Variants in ANO4 observed in about 807,000 individuals in gnomAD.
ANO4 encodes the protein anoctamin-4.
Under a neutral mutation model 141.9 loss-of-function variants are expected in ANO4, and 69 were observed. The ratio of observed to expected loss-of-function variants is 0.49; its 90% CI spans 0.40 to 0.59. The LOEUF (loss-of-function observed/expected upper bound fraction) is 0.59. Among genes scored for constraint, ANO4 ranks in the 20% least tolerant of loss-of-function variants. ANO4 has a pLI of 0.00. For missense variants in ANO4, 894 were observed against 1,162.2 expected, an observed-to-expected ratio of 0.77 and a Z score of 3.36; for synonymous variants, 350 against 394.3, an observed-to-expected ratio of 0.89 and a Z score of 1.33.
intron 14 of ANO4, among the ~76,000 whole-genome samples, chr12:101,049,723 C>T (rs2047784950): frequency 6.6e-6 from 1 of 152,110 alleles, no homozygotes; most frequent in African/African-American, 2.4e-5. Flanking sequence ...GGAGCTTGTT[C>T]TTGATATATT....
At chr12:100,834,120 A>G (rs2036774472) in intron 1 of ANO4, among the ~76,000 whole-genome samples, 1 of 152,148 alleles carries the variant, frequency 6.6e-6, no homozygotes, top group Non-Finnish European at 1.5e-5. Flanking sequence ...GAACAGTCTC[A>G]TAACAGGAGC....
chr12:100,817,334 C>T (rs1323069950), intron 1 of ANO4, among the ~76,000 whole-genome samples: 1 of 151,766 alleles, frequency 6.6e-6, no homozygotes, highest in African/African-American at 2.4e-5. Flanking sequence ...GCAGACACAA[C>T]CTAGAGTAAT....
rs201871337 is a variant in ANO4, at chr12:101,107,611, T to G, written c.2150-2793T>G. Among the ~76,000 whole-genome samples the G allele has an allele frequency of 9.2e-5, 14 of 152,168 alleles. No homozygotes were observed. In the East Asian group the frequency reaches 2.3e-3, roughly 25 times the overall value. On this transcript the variant is annotated intron_variant, in intron 22 of 27. Transcript: ENST00000392977. ...TAGTGTGGCCAGAGTAGAGGATTGT[T>G]TGGGAAACCTGTTTTCTGTGTGGGG...
intron 1 of ANO4, among the ~76,000 whole-genome samples, chr12:100,729,365 A>C: frequency 7.2e-6 from 1 of 137,960 alleles, no homozygotes; most frequent in African/African-American, 3.1e-5. Context: ...TGTCTCAAAA[A>C]AAAAAAAAAA....
chr12:100,858,873 A>G (rs2038323777), intron 1 of ANO4, among the ~76,000 whole-genome samples: 2 of 152,114 alleles, frequency 1.3e-5, no homozygotes, highest in South Asian at 4.1e-4. Flanking sequence ...ACTCAAACAT[A>G]TATTGGAAGC....
chr12:100,886,037 T>A (rs1452406735), intron 1 of ANO4, among the ~76,000 whole-genome samples: 1 of 151,984 alleles, frequency 6.6e-6, no homozygotes, highest in Non-Finnish European at 1.5e-5. Context: ...CCCTCTCATT[T>A]ACCACTAAAC....
At chr12:100,978,159 G>A (rs2044289498) in intron 7 of ANO4, among the ~76,000 whole-genome samples, 1 of 152,206 alleles carries the variant, frequency 6.6e-6, no homozygotes, top group Non-Finnish European at 1.5e-5. Context: ...TGAAGGCAAG[G>A]ATGACTCATT....
chr12:100,824,580 T>G (rs1777762452), intron 1 of ANO4, among the ~76,000 whole-genome samples: 1 of 152,050 alleles, frequency 6.6e-6, no homozygotes, highest in African/African-American at 2.4e-5. Context: ...AGCGAGAGTG[T>G]TGTATTCTAC....
intron 5 of ANO4, among the ~76,000 whole-genome samples, chr12:100,950,816 T>G (rs1436760545): frequency 1.3e-5 from 2 of 152,158 alleles, no homozygotes; most frequent in East Asian, 3.9e-4. Flanking sequence ...GCAGCATACA[T>G]TACCACTGGT....
intron 1 of ANO4, among the ~76,000 whole-genome samples, chr12:100,719,228 TC>T (rs2030749935): frequency 6.6e-6 from 1 of 152,196 alleles, no homozygotes; most frequent in Admixed American, 6.5e-5. Flanking sequence ...CACATTCTCC[TC>T]CTGCATCCAT....
At position 100,806,524 on chromosome 12, in the gene ANO4, G is replaced by GTTTTTTTTTTTTTTTTTTTTTTTTTTTTT. The variant is rs763949654; in HGVS notation, c.-141+11505_-141+11533dup. On this transcript the variant is annotated intron_variant, in intron 1 of 27. Transcript: ENST00000392977. ...TTTTAGGAGGTTTTTTTTTTGTTTC[G>GTTTTTTTTTTTTTTTTTTTTTTTTTTTTT]TTTTTTTTTTTTTTTTTTTTTTTTT... is the stretch of plus-strand genomic sequence containing the variant. Among the ~76,000 whole-genome samples the GTTTTTTTTTTTTTTTTTTTTTTTTTTTTT allele has an allele frequency of 6.9e-4, 41 of 59,838 alleles. 8 individuals carry two copies. Among genetic ancestry groups the GTTTTTTTTTTTTTTTTTTTTTTTTTTTTT allele is most frequent in the Non-Finnish European group, 1.1e-3 (33 of 30,962 alleles). The allele number at this position is 59,838 out of a possible 152,430, so 39.3% of individuals were successfully genotyped here. A position where few individuals can be genotyped will look rare whatever the true frequency, so the allele number is the denominator to read the frequency against.
chr12:100,802,668 T>C (rs1356509889), intron 1 of ANO4, among the ~76,000 whole-genome samples: 1 of 152,182 alleles, frequency 6.6e-6, no homozygotes, highest in Non-Finnish European at 1.5e-5. Flanking sequence ...ATCGAGCACG[T>C]ACTATGTTTC....
Position 100,895,574 on chromosome 12 carries a change from T to G in ANO4, c.-140-6072T>G, listed in dbSNP as rs186632996. On this transcript the variant is annotated intron_variant, in intron 1 of 27. Coordinates refer to ENST00000392977, the MANE Select transcript of ANO4 (RefSeq NM_001286615.2). ...AATCTGAGCTTTGTTTTTTTTTTTT[T>G]TTTGAGACAGAGTTTTGCTCTTTGT... 6.9e-4 allele frequency among the ~76,000 whole-genome samples: 104 copies of G among 151,792 alleles called. 1 individual carries two copies. In the East Asian group the frequency reaches 0.016, roughly 24 times the overall value.
At chr12:100,978,089 C>T (rs530415725) in intron 7 of ANO4, among the ~76,000 whole-genome samples, 1 of 152,268 alleles carries the variant, frequency 6.6e-6, no homozygotes, top group East Asian at 1.9e-4. Context: ...ATCCTATGGC[C>T]CCATCACCCT....
intron 1 of ANO4, among the ~76,000 whole-genome samples, chr12:100,863,042 A>G (rs774117433): frequency 7.2e-5 from 11 of 152,228 alleles, no homozygotes; most frequent in Non-Finnish European, 1.0e-4. Context: ...AGTGATGAAG[A>G]AAGCCACGAG....
chr12:101,106,574 T>TATATATAC (rs1555303967), intron 22 of ANO4, among the ~76,000 whole-genome samples: 1 of 45,548 alleles, frequency 2.2e-5, no homozygotes, highest in Middle Eastern at 0.01. Context: ...TGTGTGTGTG[T>TATATATAC]ATATATATAT....
chr12:100,780,255 G>T (rs1357525252), intron 3 of ANO4, among the ~76,000 whole-genome samples: 1 of 152,120 alleles, frequency 6.6e-6, no homozygotes, highest in African/African-American at 2.4e-5. Context: ...TAGCTCAGGA[G>T]GTTTCTTAGC....
intron 1 of ANO4, among the ~76,000 whole-genome samples, chr12:100,820,555 C>G (rs2135734997): frequency 6.6e-6 from 1 of 152,120 alleles, no homozygotes; most frequent in East Asian, 1.9e-4. Context: ...TTATCTCTAA[C>G]TCCCCATGAT....
At chr12:100,959,849 G>A (rs1332750013) in intron 5 of ANO4, among the ~76,000 whole-genome samples, 1 of 152,026 alleles carries the variant, frequency 6.6e-6, no homozygotes, top group African/African-American at 2.4e-5. Context: ...CCATCTTCCT[G>A]TGACTTTTGT....
Sources: allele counts gnomAD v4.1 joint callset (sites outside exome capture counted in the v4.1 genomes callset), GRCh38; gene constraint gnomAD v4.1.1; transcripts MANE v1.5; gene names NCBI Gene and HGNC (gene_info 2026-07-23, HGNC 2026-07-21).